The following TNKS2 variants were observed in gnomAD, a reference collection of about 807,000 sequenced individuals.
TNKS2 encodes the protein poly [ADP-ribose] polymerase tankyrase-2.
Under a neutral mutation model 137.6 loss-of-function variants are expected in TNKS2, and 72 were observed. The observed-to-expected ratio is 0.52, with a 90% CI of 0.43 to 0.64. The LOEUF (loss-of-function observed/expected upper bound fraction) is 0.64. Among genes scored for constraint, TNKS2 ranks in the 30% least tolerant of loss-of-function variants. The pLI is 0.00. For synonymous variants in TNKS2, 516 were observed against 512.1 expected (o/e 1.01, Z -0.10); for missense variants, 1,049 against 1,410.2 (o/e 0.74, Z 4.10).
intron 8 of TNKS2, among the ~76,000 whole-genome samples, chr10:91,827,915 C>G (rs1845116416): frequency 6.6e-6 from 1 of 152,138 alleles, no homozygotes; most frequent in South Asian, 2.1e-4. Context: ...GTGTAGAGAT[C>G]ACTATTTCTT....
chr10:91,798,960 A>G (rs1384378515), intron 1 of TNKS2, 71 bp downstream of exon 1: 2 of 1,285,038 alleles, frequency 1.6e-6, no homozygotes, highest in African/African-American at 3.1e-5. Context: ...CAGGTCTGAA[A>G]CCAGTGCTCC....
rs767135492 is a variant in TNKS2, at chr10:91,833,847, G to C, written c.1276-6G>C. On this transcript the variant is annotated splice_polypyrimidine_tract_variant and splice_region_variant and intron_variant, in intron 11 of 26. Transcript: ENST00000371627. ...GGCTAATTTCAATTTTTTCTGCTTTGTTAAGGTTAATGCTCTGGATAATCT... is the reference window on the plus strand; with the variant it reads ...GGCTAATTTCAATTTTTTCTGCTTTCTTAAGGTTAATGCTCTGGATAATCT... The C allele has an allele frequency of 7.2e-5, 113 of 1,570,172 alleles. No individual in the cohort carries two copies. The highest frequency in any genetic ancestry group is 9.1e-5 in the Non-Finnish European group (106 of 1,161,650).
At chr10:91,843,651 G>A (rs1280432874) in intron 16 of TNKS2, among the ~76,000 whole-genome samples, 1 of 152,154 alleles carries the variant, frequency 6.6e-6, no homozygotes, top group Non-Finnish European at 1.5e-5. Context: ...ACAGATGTTA[G>A]GAAATCATTA....
Position 91,855,646 on chromosome 10 carries a change from A to G in TNKS2, c.2946A>G (p.Gly982=). Residue 982 remains glycine, a synonymous_variant, in exon 23 of 27, where the codon GGA becomes GGG. Coordinates refer to ENST00000371627, the MANE Select transcript of TNKS2 (RefSeq NM_025235.4). ...MQSTVREHRD[G]GHAGGIFNRY... ...GTACAGTTCGAGAGCACAGAGATGG[A>G]GGTCATGCAGGTGGAATCTTCAACA... 2 of 1,613,206 alleles carry G rather than the reference A, an allele frequency of 1.2e-6. No individual in the cohort carries two copies. The highest frequency in any genetic ancestry group is 1.1e-5 in the South Asian group (1 of 90,994).
chr10:91,826,215 A>G (rs1163233582), intron 7 of TNKS2, among the ~76,000 whole-genome samples: 2 of 152,210 alleles, frequency 1.3e-5, no homozygotes, highest in Non-Finnish European at 2.9e-5. Flanking sequence ...AATTTTGTGC[A>G]CGAATTAAGT....
At chr10:91,832,316 A>C (rs192403351) in intron 11 of TNKS2, among the ~76,000 whole-genome samples, 1 of 152,132 alleles carries the variant, frequency 6.6e-6, no homozygotes, top group Non-Finnish European at 1.5e-5. Context: ...GTGACACTCA[A>C]TGAAACAATC....
At chr10:91,832,484 T>A (rs754410628) in intron 11 of TNKS2, among the ~76,000 whole-genome samples, 3 of 151,592 alleles carry the variant, frequency 2.0e-5, no homozygotes, top group Admixed American at 2.0e-4. Context: ...TTTTTTTTTT[T>A]TAAGTGGGTA....
In TNKS2 at chr10:91,854,780, G is replaced by A. The variant is rs115140943; in HGVS notation, c.2816-249G>A. Among the ~76,000 whole-genome samples, 978 of 151,938 alleles carry A rather than the reference G, an allele frequency of 6.4e-3. 15 individuals carry two copies. The highest frequency in any genetic ancestry group is 0.022 in the African/African-American group (930 of 41,430). Reference sequence around the variant, plus strand: ...TAGCCAGTCGTGGTAGCGAATGCCTGTAATCTCAGGTACCCGGGATGCTAA... The same window carrying A: ...TAGCCAGTCGTGGTAGCGAATGCCTATAATCTCAGGTACCCGGGATGCTAA... On this transcript the variant is annotated intron_variant, in intron 21 of 26. Transcript: ENST00000371627.
chr10:91,817,534 A>G (rs913038001), intron 3 of TNKS2, among the ~76,000 whole-genome samples: 2 of 152,164 alleles, frequency 1.3e-5, no homozygotes, highest in Admixed American at 6.5e-5. Flanking sequence ...TGAGTTTTTC[A>G]GATAACTTAT....
intron 8 of TNKS2, among the ~76,000 whole-genome samples, chr10:91,828,049 T>A (rs1190227238): frequency 6.6e-6 from 1 of 152,202 alleles, no homozygotes; most frequent in Non-Finnish European, 1.5e-5. Flanking sequence ...TGCCGTGGGC[T>A]AAACCTGTGT....
chr10:91,851,209 T>C lies in TNKS2; in HGVS notation c.2695-7T>C, dbSNP rs758665662. ...GCATTCTAAGTAGTTTCCTCCTCTT[T>C]TGTAAGATCACTTTGGATGTATTAG... On this transcript the variant is annotated splice_region_variant and splice_polypyrimidine_tract_variant and intron_variant, in intron 20 of 26. Coordinates refer to ENST00000371627, the MANE Select transcript of TNKS2 (RefSeq NM_025235.4). 6 of 1,612,890 alleles carry C rather than the reference T, an allele frequency of 3.7e-6. No individual in the cohort carries two copies. Among genetic ancestry groups the C allele is most frequent in the South Asian group, 1.1e-5 (1 of 90,680 alleles).
At chr10:91,833,768 AAGT>A (rs1841897490) in intron 11 of TNKS2, 82 bp from the exon 12 acceptor site, 3 of 1,111,304 alleles carry the variant, frequency 2.7e-6, no homozygotes, top group African/African-American at 1.6e-5. Context: ...TGAGACTTAA[AAGT>A]AGTAAAAAGT....
chr10:91,809,070 A>G (rs1447824534), intron 1 of TNKS2, among the ~76,000 whole-genome samples: 1 of 152,196 alleles, frequency 6.6e-6, no homozygotes, highest in Non-Finnish European at 1.5e-5. Flanking sequence ...TGATACTCCC[A>G]ATCAAGAAAA....
intron 7 of TNKS2, among the ~76,000 whole-genome samples, chr10:91,826,209 T>C (rs2133624755): frequency 6.6e-6 from 1 of 152,320 alleles, no homozygotes; most frequent in Non-Finnish European, 1.5e-5. Context: ...TTTAATAATT[T>C]TGTGCACGAA....
chr10:91,807,642 A>G (rs962377330), intron 1 of TNKS2, among the ~76,000 whole-genome samples: 1 of 152,204 alleles, frequency 6.6e-6, no homozygotes, highest in South Asian at 2.1e-4. Flanking sequence ...ACTCTAAAGG[A>G]TGCTGGGGAA....
intron 20 of TNKS2, among the ~76,000 whole-genome samples, chr10:91,849,919 T>C (rs572880762): frequency 2.6e-4 from 39 of 152,336 alleles, no homozygotes; most frequent in African/African-American, 9.1e-4. Context: ...TGGGAAGGTA[T>C]ATGAATATGC....
intron 13 of TNKS2, among the ~76,000 whole-genome samples, chr10:91,839,405 C>T (rs567413386): frequency 8.6e-5 from 13 of 151,716 alleles, no homozygotes; most frequent in Admixed American, 8.5e-4. Context: ...TGTGATGGCA[C>T]GATCTCAACT....
chr10:91,861,151 C>A (rs1842840730), intron 25 of TNKS2, among the ~76,000 whole-genome samples: 1 of 152,076 alleles, frequency 6.6e-6, no homozygotes, highest in South Asian at 2.1e-4. Flanking sequence ...AGTTTACTTC[C>A]TATCTAAGGA....
At position 91,798,539 on chromosome 10, in the gene TNKS2, A is replaced by G. The variant is rs1278049563; in HGVS notation, c.-152A>G. On this transcript the variant is annotated 5_prime_UTR_variant, in exon 1 of 27. It removes an upstream start codon present in the reference 5' UTR. Coordinates refer to ENST00000371627, the MANE Select transcript of TNKS2 (RefSeq NM_025235.4). ...GCGAGGGGCGCGCGTGGGCGCGGCC[A>G]TGGGACTGCGCCGGATCCGGTGACA... 7 of 914,786 alleles carry G rather than the reference A, an allele frequency of 7.7e-6. No homozygotes were observed. The highest frequency in any genetic ancestry group is 9.8e-6 in the Non-Finnish European group (7 of 714,652). 56.7% of individuals were successfully genotyped at this position (914,786 alleles called of 1,614,324 possible).
Sources: allele counts gnomAD v4.1 joint callset (sites outside exome capture counted in the v4.1 genomes callset), GRCh38; gene constraint gnomAD v4.1.1; transcripts MANE v1.5; gene names NCBI Gene and HGNC (gene_info 2026-07-23, HGNC 2026-07-21).